Variants in UGCG observed in about 807,000 individuals in gnomAD.
The protein encoded by UGCG is ceramide glucosyltransferase.
In UGCG, 10 loss-of-function variants were observed where a neutral mutation model predicts 49.5. That is an observed-to-expected ratio of 0.20 (90% confidence interval 0.12 to 0.34). The LOEUF (loss-of-function observed/expected upper bound fraction) is 0.34. Among genes scored for constraint, UGCG ranks in the 10% least tolerant of loss-of-function variants. UGCG has a pLI of 1.00. For synonymous variants in UGCG, 182 were observed against 158.2 expected (o/e 1.15, Z -1.13); for missense variants, 312 against 483.7 (o/e 0.65, Z 3.33).
rs368934544 is a variant in UGCG, at chr9:111,914,619, A to G, written c.113A>G (p.Asn38Ser). 1.5e-5 allele frequency: 25 copies of G among 1,613,942 alleles called. No individual in the cohort carries two copies. Among genetic ancestry groups the G allele is most frequent in the Non-Finnish European group, 2.0e-5 (24 of 1,179,910 alleles). ...TTGCTTTTTAGCCGATTACACCTCA[A>G]CAAGAAGGCAACTGACAAACAGCCT... ...MAIIYTRLHL[N>S]KKATDKQPYS... The change falls in exon 2 of 9, where the codon AAC (asparagine) becomes AGC (serine). Residue 38 changes from asparagine to serine, a missense_variant. Physicochemically the swap from Asn to Ser is conservative, Grantham distance 46. Transcript: ENST00000374279.
intron 5 of UGCG, among the ~76,000 whole-genome samples, chr9:111,928,848 A>C (rs1465244365): frequency 1.3e-5 from 2 of 152,168 alleles, no homozygotes; most frequent in Non-Finnish European, 2.9e-5. Flanking sequence ...TTGATTTATC[A>C]GCGTATATAT....
chr9:111,926,565 G>C, intron 5 of UGCG, 69 bp downstream of exon 5: 1 of 1,246,068 alleles, frequency 8.0e-7, no homozygotes. Context: ...TTGAGACTAT[G>C]GGAGCTGGAA....
At chr9:111,931,422 TA>T in intron 7 of UGCG, 65 bp downstream of exon 7, 1 of 1,501,620 alleles carries the variant, frequency 6.7e-7, no homozygotes, top group Non-Finnish European at 9.2e-7. Flanking sequence ...TGGTAATTTT[TA>T]CAGGTTTAAT....
intron 1 of UGCG, among the ~76,000 whole-genome samples, chr9:111,902,349 T>C (rs915296811): frequency 3.3e-5 from 5 of 152,240 alleles, no homozygotes; most frequent in African/African-American, 1.2e-4. Context: ...GTGAGAGAAT[T>C]TGTGTTAGCA....
At chr9:111,922,409 ATAATAT>A (rs1014381975) in intron 2 of UGCG, among the ~76,000 whole-genome samples, 2 of 152,202 alleles carry the variant, frequency 1.3e-5, no homozygotes, top group African/African-American at 4.8e-5. Flanking sequence ...CCTTCATGAA[ATAATAT>A]TAAGTATAGA....
At chr9:111,907,744 C>A (rs1693044672) in intron 1 of UGCG, among the ~76,000 whole-genome samples, 1 of 151,948 alleles carries the variant, frequency 6.6e-6, no homozygotes, top group South Asian at 2.1e-4. Context: ...CCTGCCTCAG[C>A]CTCCCGAGTA....
chr9:111,927,652 C>A (rs1038897443), intron 5 of UGCG, among the ~76,000 whole-genome samples: 5 of 151,990 alleles, frequency 3.3e-5, no homozygotes, highest in African/African-American at 9.7e-5. Context: ...AGGTTTTCAC[C>A]GTGTTAGCCA....
chr9:111,900,896 G>T (rs1837756299), intron 1 of UGCG, among the ~76,000 whole-genome samples: 1 of 151,776 alleles, frequency 6.6e-6, no homozygotes, highest in South Asian at 2.1e-4. Flanking sequence ...CCTCTCTGTT[G>T]CCCAGGCTGG....
At chr9:111,930,613 AC>A (rs1838409019) in intron 6 of UGCG, among the ~76,000 whole-genome samples, 1 of 151,610 alleles carries the variant, frequency 6.6e-6, no homozygotes, top group Admixed American at 6.6e-5. Flanking sequence ...GATTATAGGC[AC>A]CCGCCGCCAC....
intron 2 of UGCG, among the ~76,000 whole-genome samples, chr9:111,920,656 G>A (rs1482986818): frequency 6.6e-6 from 1 of 152,148 alleles, no homozygotes; most frequent in Non-Finnish European, 1.5e-5. Flanking sequence ...GAGCCACCAC[G>A]CCTGGCCCAC....
At position 111,930,715 on chromosome 9, in the gene UGCG, G is replaced by A. The variant is rs146705608; in HGVS notation, c.738-556G>A. Among the ~76,000 whole-genome samples, 658 of 152,132 alleles carry A rather than the reference G, an allele frequency of 4.3e-3. 9 individuals are homozygous for A. Among genetic ancestry groups the A allele is most frequent in the East Asian group, 0.039 (201 of 5,190 alleles). On this transcript the variant is annotated intron_variant, in intron 6 of 8. Transcript: ENST00000374279. ...GAACTCCTGACCTCGTGATCCGCCC[G>A]CCTCAGCCTCCCAAAGTGCTGGGAT...
chr9:111,920,257 T>C (rs1025249507), intron 2 of UGCG, among the ~76,000 whole-genome samples: 4 of 152,222 alleles, frequency 2.6e-5, no homozygotes, highest in African/African-American at 9.6e-5. Flanking sequence ...CCTCATCGAC[T>C]TAATTATTAA....
intron 6 of UGCG, among the ~76,000 whole-genome samples, chr9:111,930,442 T>C (rs1838404613): frequency 6.6e-6 from 1 of 151,702 alleles, no homozygotes; most frequent in Admixed American, 6.6e-5. Flanking sequence ...TTAGCATTTC[T>C]CTATCACAAA....
chr9:111,932,468 T>C, intron 8 of UGCG, 109 bp downstream of exon 8: 2 of 1,180,080 alleles, frequency 1.7e-6, no homozygotes, highest in Non-Finnish European at 2.3e-6. Flanking sequence ...AGCTTCCCAT[T>C]GTAGGTTAGT....
chr9:111,916,278 A>G (rs1394678495), intron 2 of UGCG, among the ~76,000 whole-genome samples: 1 of 152,220 alleles, frequency 6.6e-6, no homozygotes, highest in African/African-American at 2.4e-5. Context: ...GCTTAGAGTC[A>G]TATGCATTAT....
At chr9:111,908,255 G>GTGAA (rs1421915190) in intron 1 of UGCG, among the ~76,000 whole-genome samples, 1 of 152,178 alleles carries the variant, frequency 6.6e-6, no homozygotes, top group African/African-American at 2.4e-5. Flanking sequence ...TGTAACAAGA[G>GTGAA]TGAATACATG....
At chr9:111,912,050 A>ATC (rs1838020860) in intron 1 of UGCG, among the ~76,000 whole-genome samples, 1 of 142,866 alleles carries the variant, frequency 7.0e-6, no homozygotes, top group Admixed American at 7.0e-5. Flanking sequence ...ATATATATAT[A>ATC]TATCCTGTTG....
At chr9:111,918,708 C>T (rs1400642113) in intron 2 of UGCG, among the ~76,000 whole-genome samples, 2 of 151,894 alleles carry the variant, frequency 1.3e-5, no homozygotes, top group African/African-American at 2.4e-5. Context: ...CCGAGGCGGG[C>T]GGATCACGAG....
chr9:111,932,406 G>A, intron 8 of UGCG, 47 bp downstream of exon 8: 1 of 1,527,314 alleles, frequency 6.5e-7, no homozygotes, highest in South Asian at 1.2e-5. Flanking sequence ...GGTGGAACTA[G>A]AACTATTTCA....
Sources: gnomAD v4.1 joint callset for allele counts (sites outside exome capture counted in the v4.1 genomes callset) on GRCh38, gnomAD v4.1.1 for gene constraint, MANE v1.5 for transcripts, NCBI Gene and HGNC (gene_info 2026-07-23, HGNC 2026-07-21) for gene names.